Variants in TRPM3 observed in about 807,000 individuals in gnomAD.
TRPM3 encodes the protein transient receptor potential cation channel subfamily M member 3.
TRPM3 carries 77 observed loss-of-function variants against 181.2 expected under a neutral mutation model. The observed-to-expected ratio is 0.42, with a 90% CI of 0.35 to 0.51. The LOEUF (loss-of-function observed/expected upper bound fraction) is 0.51, where lower values mean the gene tolerates loss of function less well. Among genes scored for constraint, TRPM3 ranks in the 20% least tolerant of loss-of-function variants. The pLI is 0.01. For synonymous variants in TRPM3, 745 were observed against 796.4 expected (o/e 0.94, Z 1.09); for missense variants, 1,759 against 2,196.7 (o/e 0.80, Z 3.98).
intron 1 of TRPM3, among the ~76,000 whole-genome samples, chr9:71,206,400 A>C (rs2079124407): frequency 6.6e-6 from 1 of 152,064 alleles, no homozygotes; most frequent in African/African-American, 2.4e-5. Flanking sequence ...CTTCTTTCGA[A>C]AAGTTTCTGT....
chr9:70,835,533 T>C (rs74524665), intron 5 of TRPM3, among the ~76,000 whole-genome samples: 217 of 151,988 alleles, frequency 1.4e-3, no homozygotes, highest in African/African-American at 4.8e-3. Context: ...TTCTGTTCCA[T>C]TGGGGTGACT....
chr9:70,594,816 A>C (rs2077171312), intron 21 of TRPM3, among the ~76,000 whole-genome samples: 1 of 152,148 alleles, frequency 6.6e-6, no homozygotes, highest in South Asian at 2.1e-4. Context: ...GGAACTCCCT[A>C]ATGTTGAGAG....
chr9:70,975,395 T>A (rs1192738785), intron 1 of TRPM3, among the ~76,000 whole-genome samples: 1 of 152,242 alleles, frequency 6.6e-6, no homozygotes, highest in Non-Finnish European at 1.5e-5. Flanking sequence ...TCTAATGTTG[T>A]GAAGACCTCC....
chr9:71,276,569 C>A (rs2084230951), intron 1 of TRPM3, among the ~76,000 whole-genome samples: 1 of 152,090 alleles, frequency 6.6e-6, no homozygotes, highest in South Asian at 2.1e-4. Flanking sequence ...AATGTGTTGA[C>A]CCTTTTAGTA....
chr9:70,926,918 G>A (rs1233148534), intron 1 of TRPM3, among the ~76,000 whole-genome samples: 1 of 152,156 alleles, frequency 6.6e-6, no homozygotes, highest in Non-Finnish European at 1.5e-5. Flanking sequence ...GGCCTGTGTT[G>A]ACAGCTCATC....
intron 1 of TRPM3, among the ~76,000 whole-genome samples, chr9:71,332,948 G>A (rs1292604886): frequency 6.6e-6 from 1 of 151,756 alleles, no homozygotes; most frequent in African/African-American, 2.4e-5. Context: ...TCAATATTAG[G>A]AGAATTCCCA....
intron 1 of TRPM3, among the ~76,000 whole-genome samples, chr9:71,425,809 C>T (rs2093852917): frequency 6.6e-6 from 1 of 152,138 alleles, no homozygotes; most frequent in South Asian, 2.1e-4. Flanking sequence ...CATGTTTCTC[C>T]CTAAATTCAT....
rs570621314 is a variant in TRPM3 at position 71,354,445 on chromosome 9, G to A, written c.183+92208C>T. 6.6e-4 allele frequency among the ~76,000 whole-genome samples: 100 copies of A among 152,182 alleles called. 1 individual carries two copies. The highest frequency in any genetic ancestry group is 2.2e-3 in the African/African-American group (92 of 41,510). ...CTTTAAACAAGCTTCGATGGGACCC[G>A]CTTCATAACCAAGACACTTAGAACT... On this transcript the variant is annotated intron_variant, in intron 1 of 24. Coordinates refer to the TRPM3 transcript ENST00000357533.
At chr9:70,997,202 T>C (rs979286693) in intron 1 of TRPM3, among the ~76,000 whole-genome samples, 2 of 151,542 alleles carry the variant, frequency 1.3e-5, no homozygotes, top group African/African-American at 2.4e-5. Flanking sequence ...TCTTAATACT[T>C]TTTTTTTGTT....
chr9:70,966,582 T>C (rs933534403), intron 1 of TRPM3, among the ~76,000 whole-genome samples: 1 of 152,168 alleles, frequency 6.6e-6, no homozygotes, highest in Non-Finnish European at 1.5e-5. Context: ...TGAGATCATA[T>C]TCTTTGTAGA....
chr9:71,383,011 G>A (rs113022342), intron 1 of TRPM3, among the ~76,000 whole-genome samples: 20 of 152,094 alleles, frequency 1.3e-4, no homozygotes, highest in African/African-American at 4.3e-4. Flanking sequence ...TGCTCTAGGC[G>A]GATGCTGGAT....
chr9:71,344,514 A>G (rs1047298711), intron 1 of TRPM3, among the ~76,000 whole-genome samples: 20 of 152,130 alleles, frequency 1.3e-4, no homozygotes, highest in African/African-American at 4.8e-4. Flanking sequence ...GGGAAAATGG[A>G]TTTTTAAAAA....
intron 1 of TRPM3, among the ~76,000 whole-genome samples, chr9:70,952,802 C>G (rs918976430): frequency 6.6e-6 from 1 of 151,952 alleles, no homozygotes; most frequent in Non-Finnish European, 1.5e-5. Context: ...GCTGAAGGGC[C>G]TAATAATGCA....
intron 14 of TRPM3, among the ~76,000 whole-genome samples, chr9:70,624,188 C>T (rs1437772317): frequency 6.6e-6 from 1 of 152,132 alleles, no homozygotes; most frequent in Non-Finnish European, 1.5e-5. Context: ...TTTGGAAGAG[C>T]TGCATACCTT....
chr9:71,127,549 A>T (rs1587522649), intron 1 of TRPM3, among the ~76,000 whole-genome samples: 1 of 152,282 alleles, frequency 6.6e-6, no homozygotes, highest in East Asian at 1.9e-4. Flanking sequence ...CAGTGATACA[A>T]CTTCTCAGAG....
At chr9:71,417,443 T>A (rs1294586418) in intron 1 of TRPM3, among the ~76,000 whole-genome samples, 1 of 151,984 alleles carries the variant, frequency 6.6e-6, no homozygotes, top group African/African-American at 2.4e-5. Flanking sequence ...TATCCTTTAT[T>A]ATGAAGTTAC....
At chr9:71,160,485 T>C (rs1444504288) in intron 1 of TRPM3, among the ~76,000 whole-genome samples, 1 of 152,144 alleles carries the variant, frequency 6.6e-6, no homozygotes, top group African/African-American at 2.4e-5. Context: ...TTAACCCACG[T>C]CATAACACCT....
intron 1 of TRPM3, among the ~76,000 whole-genome samples, chr9:71,048,694 G>A (rs1456031925): frequency 6.6e-6 from 1 of 152,156 alleles, no homozygotes; most frequent in East Asian, 1.9e-4. Context: ...GTTAGAGCTG[G>A]AGTCTTGCTT....
In TRPM3 at chr9:70,579,175, TC is replaced by T. The variant is rs149000465; in HGVS notation, c.3223+11855del. On this transcript the variant is annotated intron_variant, in intron 22 of 25. Transcript: ENST00000677713. ...TTTTTAGTTTTTTAGAGATGGAGTC[TC>T]GCTATGTTGCCCAGGCTGGAGTGCA... is the stretch of plus-strand genomic sequence containing the variant. 966 of 152,678 alleles carry T rather than the reference TC, an allele frequency of 6.3e-3. 4 individuals are homozygous for T. The highest frequency in any genetic ancestry group is 0.015 in the South Asian group (72 of 4,838). The allele number at this position is 152,678 out of a possible 1,614,324, so 9.5% of individuals were successfully genotyped here.
Sources: allele counts gnomAD v4.1 joint callset (sites outside exome capture counted in the v4.1 genomes callset), GRCh38; gene constraint gnomAD v4.1.1; transcripts MANE v1.5; gene names NCBI Gene and HGNC (gene_info 2026-07-23, HGNC 2026-07-21).